Variants in SMG8 observed in about 807,000 individuals in gnomAD.
SMG8 encodes the protein nonsense-mediated mRNA decay factor SMG8.
A neutral mutation model predicts 82.1 loss-of-function variants in SMG8; 49 were observed. That is an observed-to-expected ratio of 0.60 (90% CI 0.47 to 0.76). The LOEUF is 0.76. Ranked by LOEUF, SMG8 falls within the 30% of genes least tolerant of loss-of-function variation. The pLI, the probability that SMG8 is intolerant of heterozygous loss-of-function variation, is 0.00. For missense variants in SMG8, 969 were observed against 1,166.4 expected, an observed-to-expected ratio of 0.83 and a Z score of 2.46; for synonymous variants, 404 against 430.0, an observed-to-expected ratio of 0.94 and a Z score of 0.75.
chr17:59,214,263 G>A (rs1291881909), intron 3 of SMG8, among the ~76,000 whole-genome samples: 1 of 151,854 alleles, frequency 6.6e-6, no homozygotes, highest in African/African-American at 2.4e-5. Context: ...CTCCAGCCTG[G>A]GTGACTAAGA....
In SMG8 at chr17:59,212,425, G is replaced by A; in HGVS notation, c.1844G>A (p.Arg615Lys). The A allele has an allele frequency of 6.2e-7, 1 of 1,609,094 alleles. No homozygotes were observed. Among genetic ancestry groups the A allele is most frequent in the Non-Finnish European group, 8.5e-7 (1 of 1,176,174 alleles). Reference sequence around the variant, plus strand: ...TCTACTGGTGCTTGCAACTGTGGAAGGAAACAAGCACCTCGAGATGATCCC... The same window carrying A: ...TCTACTGGTGCTTGCAACTGTGGAAAGAAACAAGCACCTCGAGATGATCCC... ...ARSTGACNCG[R>K]KQAPRDDPFD... The change falls in exon 2 of 4, where the codon AGG (arginine) becomes AAG (lysine). Residue 615 changes from arginine (R) to lysine (K), a missense_variant. Arg to Lys is a conservative substitution (Grantham distance 26). Around this residue, in one of 3 missense-constraint regions of SMG8, gnomAD observed 662 missense variants for 884.8 expected, o/e 0.75. Coordinates refer to ENST00000300917, the MANE Select transcript of SMG8 (RefSeq NM_018149.7).
Position 59,213,486 on chromosome 17 carries a change from C to G in SMG8, c.2663C>G (p.Pro888Arg). Residue 888 changes from proline (P) to arginine (R), a missense_variant, in exon 3 of 4, where the codon CCC becomes CGC. This residue lies in a region of SMG8 where 101 missense variants were observed against 91.1 expected (regional missense o/e 1.11). Transcript: ENST00000300917. ...TTAAAAGCCCTAAATAGTGACATGCCCTTATATATTCTGTCATCCTCTCAA... is the reference window on the plus strand; with the variant it reads ...TTAAAAGCCCTAAATAGTGACATGCGCTTATATATTCTGTCATCCTCTCAA... ...SALKALNSDM[P>R]LYILSSSQGR... 2 of 1,614,142 alleles carry G rather than the reference C, an allele frequency of 1.2e-6. No individual in the cohort carries two copies. The highest frequency in any genetic ancestry group is 2.2e-5 in the East Asian group (1 of 44,876).
Position 59,211,640 on chromosome 17 carries a change from A to T in SMG8, c.1589A>T (p.Gln530Leu), listed in dbSNP as rs145744771. Residue 530 changes from glutamine to leucine, a missense_variant, in exon 1 of 4, where the codon CAG (glutamine) becomes CTG (leucine). Gln to Leu is a moderately radical substitution (Grantham distance 113, BLOSUM62 -2). This residue lies in a region of SMG8 where 662 missense variants were observed against 884.8 expected (regional missense o/e 0.75). Transcript: ENST00000300917. The part of the protein sequence containing the change: ...TMTVHKNQLA[Q>L]ALRVYSQHAR... The stretch of plus-strand genomic sequence containing the variant: ...ACTGTCCATAAGAATCAGCTTGCCC[A>T]GGCTCTTCGAGTGTACAGTCAACAT... The T allele has an allele frequency of 2.5e-6, 4 of 1,613,900 alleles. No individual in the cohort carries two copies. Among genetic ancestry groups the T allele is most frequent in the Non-Finnish European group, 3.4e-6 (4 of 1,179,982 alleles).
In SMG8 at chr17:59,211,695, C is replaced by T. The variant is rs1198749278; in HGVS notation, c.1644C>T (p.Ala548=). 21 of 1,613,932 alleles carry T rather than the reference C, an allele frequency of 1.3e-5. No individual in the cohort carries two copies. The highest frequency in any genetic ancestry group is 1.7e-5 in the Non-Finnish European group (20 of 1,180,024). The change falls in exon 1 of 4, where the codon GCC becomes GCT. Residue 548 remains alanine, a synonymous_variant. Transcript: ENST00000300917. ...GAGGTCCAGCATTTCACAAATACGC[C>T]ATGCAGTTACATGAGGACTGCTACA... The part of the protein sequence containing the change: ...HARGPAFHKY[A]MQLHEDCYKF...
chr17:59,213,659 G>C, intron 3 of SMG8, 58 bp downstream of exon 3: 1 of 1,522,580 alleles, frequency 6.6e-7, no homozygotes, highest in Non-Finnish European at 8.8e-7. Flanking sequence ...TGTTTGTTTT[G>C]ATTGATTTTA....
chr17:59,212,416 A>G lies in SMG8; in HGVS notation c.1835A>G (p.Asn612Ser), dbSNP rs755309940. Residue 612 changes from asparagine to serine, a missense_variant, in exon 2 of 4, where the codon AAC becomes AGC. Asn to Ser is a conservative substitution (Grantham distance 46). Transcript: ENST00000300917. ...NSRARSTGAC[N>S]CGRKQAPRDD... is the part of the protein sequence containing the mutation. ...CGAGCTCGATCTACTGGTGCTTGCAACTGTGGAAGGAAACAAGCACCTCGA... is the reference window on the plus strand; with the variant it reads ...CGAGCTCGATCTACTGGTGCTTGCAGCTGTGGAAGGAAACAAGCACCTCGA... The G allele has an allele frequency of 1.2e-6, 2 of 1,609,446 alleles. No individual in the cohort carries two copies. Among genetic ancestry groups the G allele is most frequent in the African/African-American group, 1.3e-5 (1 of 74,876 alleles).
At position 59,210,597 on chromosome 17, in the gene SMG8, T is replaced by C. The variant is rs758474000; in HGVS notation, c.546T>C (p.His182=). The stretch of plus-strand genomic sequence containing the variant: ...CTGGAGGTGGACTCTCTTTACCTCA[T>C]GCAGAAGCACACGAGTTCTGGAAGC... The part of the protein sequence containing the change: ...GEAGGGLSLP[H]AEAHEFWKHQ... Residue 182 remains histidine, a synonymous_variant, in exon 1 of 4, where the codon CAT becomes CAC. Coordinates refer to ENST00000300917, the MANE Select transcript of SMG8 (RefSeq NM_018149.7). The C allele has an allele frequency of 6.2e-7, 1 of 1,600,608 alleles. No homozygotes were observed. The highest frequency in any genetic ancestry group is 8.5e-7 in the Non-Finnish European group (1 of 1,174,162).
Position 59,211,177 on chromosome 17 carries a change from C to T in SMG8, c.1126C>T (p.Pro376Ser). The change falls in exon 1 of 4, where the codon CCT (proline) becomes TCT (serine). Residue 376 changes from proline (P) to serine (S), a missense_variant. Coordinates refer to ENST00000300917, the MANE Select transcript of SMG8 (RefSeq NM_018149.7). ...GCTGGTGCCTGCACCCCTTTCTGGGCCTAGGCGATACCAGGTGATGAGGCA... is the reference window on the plus strand; with the variant it reads ...GCTGGTGCCTGCACCCCTTTCTGGGTCTAGGCGATACCAGGTGATGAGGCA... ...SLLVPAPLSG[P>S]RRYQVMRQHS... 1 of 1,614,196 alleles carries T rather than the reference C, an allele frequency of 6.2e-7. No individual in the cohort carries two copies. The highest frequency in any genetic ancestry group is 8.5e-7 in the Non-Finnish European group (1 of 1,180,024).
In SMG8 at chr17:59,211,013, A is replaced by C. The variant is rs749138507; in HGVS notation, c.962A>C (p.Gln321Pro). ...IFRKSRVLTN[Q>P]SINCLFTVPA... ...CGGAAGAGTCGTGTCTTGACTAATC[A>C]GAGCATCAACTGCCTCTTTACTGTG... The change falls in exon 1 of 4, where the codon CAG (glutamine) becomes CCG (proline). Residue 321 changes from glutamine (Q) to proline (P), a missense_variant. By Grantham distance (76) the Gln-to-Pro change is moderately conservative. Around this residue, in one of 3 missense-constraint regions of SMG8, gnomAD observed 662 missense variants for 884.8 expected, o/e 0.75. Coordinates refer to ENST00000300917, the MANE Select transcript of SMG8 (RefSeq NM_018149.7). 6.2e-7 allele frequency: 1 copy of C among 1,614,220 alleles called. No homozygotes were observed.
At chr17:59,211,881 T>A (rs1597951464) in intron 1 of SMG8, 71 bp downstream of exon 1, 1 of 1,341,916 alleles carries the variant, frequency 7.5e-7, no homozygotes, top group East Asian at 2.5e-5. Context: ...TTTAAGATAG[T>A]CTGTTCACTA....
Position 59,211,463 on chromosome 17 carries a change from C to T in SMG8, c.1412C>T (p.Thr471Ile). 1.9e-6 allele frequency: 3 copies of T among 1,614,090 alleles called. No homozygotes were observed. Among genetic ancestry groups the T allele is most frequent in the Non-Finnish European group, 2.5e-6 (3 of 1,179,978 alleles). ...AAAGAAGAGGACTTGGGGTCACCCA[C>T]TGGAGAGCTAACATCTAAGATTTTA... is the stretch of plus-strand genomic sequence containing the variant. ...DGKEEDLGSPTGELTSKILSS... is the reference protein window; with the variant it reads ...DGKEEDLGSPIGELTSKILSS... The change falls in exon 1 of 4, where the codon ACT becomes ATT. Residue 471 changes from threonine to isoleucine, a missense_variant. This residue lies in a region of SMG8 where 662 missense variants were observed against 884.8 expected (regional missense o/e 0.75). Coordinates refer to ENST00000300917, the MANE Select transcript of SMG8 (RefSeq NM_018149.7).
rs1419084685 is a variant in SMG8, at chr17:59,213,621, G to A, written c.2778+20G>A. The A allele has an allele frequency of 1.3e-6, 2 of 1,565,266 alleles. No homozygotes were observed. The highest frequency in any genetic ancestry group is 2.4e-5 in the South Asian group (2 of 83,106). ...CCTCAGGTAAGAAATATAACCCTCT[G>A]CAGCCCCAAACAAGTAAAAAATGCT... On this transcript the variant is annotated intron_variant, in intron 3 of 3. Transcript: ENST00000300917.
chr17:59,211,317 A>C lies in SMG8; in HGVS notation c.1266A>C (p.Leu422=). The C allele has an allele frequency of 6.2e-7, 1 of 1,614,124 alleles. No individual in the cohort carries two copies. The highest frequency in any genetic ancestry group is 8.5e-7 in the Non-Finnish European group (1 of 1,180,002). The change falls in exon 1 of 4, where the codon CTA becomes CTC. Residue 422 remains leucine (L), a synonymous_variant. Coordinates refer to ENST00000300917, the MANE Select transcript of SMG8 (RefSeq NM_018149.7). ...TATGGCAGCATGTGGAGCTAGTTCTAAGCAAGAAAGGTTTCGATGACAGTG... is the reference window on the plus strand; with the variant it reads ...TATGGCAGCATGTGGAGCTAGTTCTCAGCAAGAAAGGTTTCGATGACAGTG... ...EFLWQHVELV[L]SKKGFDDSVG...
In SMG8 at chr17:59,210,221, C is replaced by G; in HGVS notation, c.170C>G (p.Ala57Gly). 6.2e-7 allele frequency: 1 copy of G among 1,607,306 alleles called. No homozygotes were observed. The highest frequency in any genetic ancestry group is 8.5e-7 in the Non-Finnish European group (1 of 1,176,776). The change falls in exon 1 of 4, where the codon GCT becomes GGT. Residue 57 changes from alanine (A) to glycine (G), a missense_variant. Around this residue, in one of 3 missense-constraint regions of SMG8, gnomAD observed 206 missense variants for 190.5 expected, o/e 1.08. Transcript: ENST00000300917. ...ICVVGIFGKT[A>G]LRLNSEKFSL... Reference sequence around the variant, plus strand: ...GTTGTGGGAATCTTCGGCAAGACGGCTCTACGCCTGAATTCCGAGAAGTTC... The same window carrying G: ...GTTGTGGGAATCTTCGGCAAGACGGGTCTACGCCTGAATTCCGAGAAGTTC...
chr17:59,210,125 G>A lies in SMG8; in HGVS notation c.74G>A (p.Gly25Glu), dbSNP rs1351660682. ...TGGATGGGCTCTGAAAGTCCCGGAG[G>A]GTCCCCTACTGAGGGCGGAGGGAGC... ...SAWMGSESPGGSPTEGGGSAA... is the reference protein window; with the variant it reads ...SAWMGSESPGESPTEGGGSAA... Residue 25 changes from glycine to glutamate, a missense_variant, in exon 1 of 4, where the codon GGG becomes GAG. Around this residue, in one of 3 missense-constraint regions of SMG8, gnomAD observed 206 missense variants for 190.5 expected, o/e 1.08. Transcript: ENST00000300917. 4 of 1,582,712 alleles carry A rather than the reference G, an allele frequency of 2.5e-6. No homozygotes were observed. The highest frequency in any genetic ancestry group is 3.4e-6 in the Non-Finnish European group (4 of 1,167,128).
chr17:59,212,615 A>G lies in SMG8; in HGVS notation c.1906-114A>G. ...AACTGCAGTATAATATATAAACAGG[A>G]GCAAATTCTTTATGTGTACATATTT... is the stretch of plus-strand genomic sequence containing the variant. On this transcript the variant is annotated intron_variant, in intron 2 of 3. Transcript: ENST00000300917. 5 of 1,459,682 alleles carry G rather than the reference A, an allele frequency of 3.4e-6. No homozygotes were observed. The South Asian group carries it at 6.9e-5, about 20-fold the overall frequency. 90.4% of individuals were successfully genotyped at this position (1,459,682 alleles called of 1,614,324 possible).
Position 59,210,305 on chromosome 17 carries a change from C to T in SMG8, c.254C>T (p.Pro85Leu), listed in dbSNP as rs750057274. 2 of 1,613,146 alleles carry T rather than the reference C, an allele frequency of 1.2e-6. No homozygotes were observed. The highest frequency in any genetic ancestry group is 1.7e-6 in the Non-Finnish European group (2 of 1,179,764). ...QVFPLFRHQD[P>L]GDPGPGIRTE... ...TTTCCTCTCTTTCGCCACCAAGATC[C>T]TGGGGATCCAGGACCTGGAATCAGA... Residue 85 changes from proline (P) to leucine (L), a missense_variant, in exon 1 of 4, where the codon CCT becomes CTT. By Grantham distance (98) the Pro-to-Leu change is moderately conservative. Transcript: ENST00000300917.
rs2046939945 is a variant in SMG8, at chr17:59,210,359, G to A, written c.308G>A (p.Gly103Asp). 6 of 1,611,614 alleles carry A rather than the reference G, an allele frequency of 3.7e-6. No individual in the cohort carries two copies. Among genetic ancestry groups the A allele is most frequent in the East Asian group, 2.2e-5 (1 of 44,864 alleles). The change falls in exon 1 of 4, where the codon GGT becomes GAT. Residue 103 changes from glycine to aspartate, a missense_variant. Around this residue, in one of 3 missense-constraint regions of SMG8, gnomAD observed 206 missense variants for 190.5 expected, o/e 1.08. Coordinates refer to ENST00000300917, the MANE Select transcript of SMG8 (RefSeq NM_018149.7). Reference sequence around the variant, plus strand: ...GAGGCTGGCGCCGTGGGTGAGGCCGGTGGAGCCGAGGACCCTGGGGCTGCA... The same window carrying A: ...GAGGCTGGCGCCGTGGGTGAGGCCGATGGAGCCGAGGACCCTGGGGCTGCA... The part of the protein sequence containing the change: ...RTEAGAVGEA[G>D]GAEDPGAAAG...
chr17:59,212,967 C>T lies in SMG8; in HGVS notation c.2144C>T (p.Ala715Val), dbSNP rs201032698. 742 of 1,614,126 alleles carry T rather than the reference C, an allele frequency of 4.6e-4. No individual in the cohort carries two copies. Among genetic ancestry groups the T allele is most frequent in the Non-Finnish European group, 5.9e-4 (701 of 1,180,032 alleles). ...SLGTYPADPQ[A>V]GGDNPEVHGQ... ...GGTACCTATCCAGCTGATCCACAAG[C>T]AGGAGGAGATAATCCAGAAGTTCAT... The change falls in exon 3 of 4, where the codon GCA becomes GTA. Residue 715 changes from alanine to valine, a missense_variant. This residue lies in a region of SMG8 where 662 missense variants were observed against 884.8 expected (regional missense o/e 0.75). Coordinates refer to ENST00000300917, the MANE Select transcript of SMG8 (RefSeq NM_018149.7).
Sources: gnomAD v4.1 joint callset for allele counts (sites outside exome capture counted in the v4.1 genomes callset) on GRCh38, gnomAD v4.1.1 for gene constraint, gnomAD v4.1.1 regional missense constraint, MANE v1.5 for transcripts, NCBI Gene and HGNC (gene_info 2026-07-23, HGNC 2026-07-21) for gene names.